The following GPI variants were observed in gnomAD, a reference collection of about 807,000 sequenced individuals.
The protein encoded by GPI is glucose-6-phosphate isomerase.
GPI carries 56 observed loss-of-function variants against 75.8 expected under a neutral mutation model. The observed-to-expected ratio is 0.74, with a 90% CI of 0.60 to 0.92. GPI has a LOEUF of 0.92. Ranked by LOEUF, GPI falls within the 40% of genes least tolerant of loss-of-function variation. The pLI, the probability that GPI is intolerant of heterozygous loss-of-function variation, is 0.00. For missense variants in GPI, 638 were observed against 741.0 expected, an observed-to-expected ratio of 0.86 and a Z score of 1.61; for synonymous variants, 288 against 285.4, an observed-to-expected ratio of 1.01 and a Z score of -0.09.
intron 4 of GPI, among the ~76,000 whole-genome samples, chr19:34,370,919 G>A (rs755149401): frequency 1.3e-5 from 2 of 152,228 alleles, no homozygotes; most frequent in Non-Finnish European, 2.9e-5. Context: ...CGCCTCCAGG[G>A]CAAGGAAGTT....
intron 6 of GPI, among the ~76,000 whole-genome samples, chr19:34,378,120 C>T (rs1277619419): frequency 6.6e-6 from 1 of 152,236 alleles, no homozygotes; most frequent in Non-Finnish European, 1.5e-5. Flanking sequence ...CACACCCGCT[C>T]GCCTTGCGGC....
At chr19:34,389,606 C>T (rs1405971675) in intron 9 of GPI, among the ~76,000 whole-genome samples, 1 of 152,200 alleles carries the variant, frequency 6.6e-6, no homozygotes, top group African/African-American at 2.4e-5. Flanking sequence ...AGATCATTTT[C>T]TGTGGGCCTT....
At chr19:34,381,397 GA>G in intron 8 of GPI, 68 bp from the exon 9 acceptor site, 1 of 1,025,654 alleles carries the variant, frequency 9.7e-7, no homozygotes, top group South Asian at 1.3e-5. Context: ...CTGCCTCCCG[GA>G]GCTCCTGTTC....
chr19:34,373,918 G>T (rs1207393149), intron 4 of GPI, among the ~76,000 whole-genome samples: 2 of 152,282 alleles, frequency 1.3e-5, no homozygotes, highest in African/African-American at 4.8e-5. Context: ...TAAGGCAGAT[G>T]CCTGGAGGTC....
intron 8 of GPI, among the ~76,000 whole-genome samples, chr19:34,380,320 G>A (rs916121620): frequency 6.6e-6 from 1 of 151,758 alleles, no homozygotes; most frequent in Non-Finnish European, 1.5e-5. Context: ...AGGTCACTCT[G>A]TCACTCAGGC....
At position 34,379,638 on chromosome 19, in the gene GPI, G is replaced by A. The variant is rs117417841; in HGVS notation, c.750+76G>A. 4,033 of 1,194,948 alleles carry A rather than the reference G, an allele frequency of 3.4e-3. 16 individuals carry two copies. The highest frequency in any genetic ancestry group is 4.2e-3 in the Middle Eastern group (22 of 5,284). 74.0% of individuals were successfully genotyped at this position (1,194,948 alleles called of 1,614,324 possible). ...GTCCAGGTCATGGCCTCTCAGAGAC[G>A]CGGTTCGTAGGTCTGGTGGATCTTG... On this transcript the variant is annotated intron_variant, in intron 8 of 17. Transcript: ENST00000356487.
intron 4 of GPI, among the ~76,000 whole-genome samples, chr19:34,373,051 C>T (rs959847035): frequency 7.3e-5 from 11 of 151,596 alleles, no homozygotes; most frequent in Non-Finnish European, 1.0e-4. Flanking sequence ...GGATTATAGG[C>T]GTGAGCCACC....
intron 7 of GPI, 106 bp from the exon 8 acceptor site, chr19:34,379,412 C>A: frequency 3.0e-6 from 3 of 995,638 alleles, no homozygotes; most frequent in Non-Finnish European, 4.9e-6. Flanking sequence ...GAACCAAGGA[C>A]TGGGAATCTC....
At chr19:34,361,754 G>T (rs1004752997), upstream of GPI, among the ~76,000 whole-genome samples, 9 of 151,878 alleles carry the variant, frequency 5.9e-5, no homozygotes, top group African/African-American at 2.2e-4. Flanking sequence ...GCCGAGGTGG[G>T]TGGATTACCT....
intron 17 of GPI, 57 bp from the exon 18 acceptor site, chr19:34,399,844 G>A: frequency 6.2e-7 from 1 of 1,613,306 alleles, no homozygotes; most frequent in Non-Finnish European, 8.5e-7. Context: ...AGGGATTTCA[G>A]TAGCAACGTT....
At position 34,401,006 on chromosome 19, in the gene GPI, A is replaced by T; in HGVS notation, c.*970A>T. On this transcript the variant is annotated 3_prime_UTR_variant, in exon 18 of 18. Transcript: ENST00000356487. ...CTCCCACAGTGCTGGGATTACAGGT[A>T]TGAGCCACCACGCCCGGCCCATTTT... The T allele has an allele frequency of 5.9e-6, 1 of 170,594 alleles. No homozygotes were observed. 10.6% of individuals were successfully genotyped at this position (170,594 alleles called of 1,614,324 possible). A position where few individuals can be genotyped will look rare whatever the true frequency, so the allele number is the denominator to read the frequency against.
chr19:34,388,291 A>G (rs1376636402), intron 9 of GPI, among the ~76,000 whole-genome samples: 1 of 152,224 alleles, frequency 6.6e-6, no homozygotes, highest in African/African-American at 2.4e-5. Flanking sequence ...AGTCTGGTCA[A>G]CACGGTGAAA....
At chr19:34,373,358 C>T (rs936490772) in intron 4 of GPI, among the ~76,000 whole-genome samples, 1 of 150,346 alleles carries the variant, frequency 6.7e-6, no homozygotes, top group African/African-American at 2.4e-5. Context: ...CACTGCACTC[C>T]AGCCTGGGTG....
intron 9 of GPI, among the ~76,000 whole-genome samples, chr19:34,382,433 A>T (rs2074669288): frequency 6.6e-6 from 1 of 152,164 alleles, no homozygotes; most frequent in Admixed American, 6.5e-5. Context: ...TAAGCCATCC[A>T]CTGTGTATAA....
At chr19:34,396,257 G>C in intron 12 of GPI, 44 bp from the exon 13 acceptor site, 2 of 1,611,872 alleles carry the variant, frequency 1.2e-6, no homozygotes, top group Non-Finnish European at 1.7e-6. Context: ...CTTTTTAAAT[G>C]TTCTTTCATT....
At chr19:34,386,713 G>A (rs145356878) in intron 9 of GPI, among the ~76,000 whole-genome samples, 245 of 152,324 alleles carry the variant, frequency 1.6e-3, no homozygotes, top group Non-Finnish European at 2.1e-3. Context: ...TTAGACGTGG[G>A]TAGGTAGATG....
At position 34,400,601 on chromosome 19, in the gene GPI, C is replaced by T. The variant is rs531626981; in HGVS notation, c.*565C>T. 14 of 418,348 alleles carry T rather than the reference C, an allele frequency of 3.3e-5. No individual in the cohort carries two copies. Among genetic ancestry groups the T allele is most frequent in the African/African-American group, 1.2e-4 (6 of 49,154 alleles). 25.9% of individuals were successfully genotyped at this position (418,348 alleles called of 1,614,324 possible). A position where few individuals can be genotyped will look rare whatever the true frequency, so the allele number is the denominator to read the frequency against. ...GCAGAAATTGGATACTCTGTTCACT[C>T]GATGGTTCTAAAAACTGCATTGAGA... On this transcript the variant is annotated 3_prime_UTR_variant, in exon 18 of 18. Transcript: ENST00000356487.
In GPI at chr19:34,401,350, T is replaced by G. The variant is rs1223197257; in HGVS notation, c.*1314T>G. The G allele has an allele frequency of 2.0e-5, 3 of 152,210 alleles. No homozygotes were observed. The highest frequency in any genetic ancestry group is 7.2e-5 in the African/African-American group (3 of 41,428). 9.4% of individuals were successfully genotyped at this position (152,210 alleles called of 1,614,324 possible). On this transcript the variant is annotated 3_prime_UTR_variant, in exon 18 of 18. Coordinates refer to ENST00000356487, the MANE Select transcript of GPI (RefSeq NM_000175.5). Reference sequence around the variant, plus strand: ...CTCCTGCCTCAGACTCCTGTGTAGCTGGGAGTACAGGCACCTGCCACCATG... The same window carrying G: ...CTCCTGCCTCAGACTCCTGTGTAGCGGGGAGTACAGGCACCTGCCACCATG...
chr19:34,375,566 C>T lies in GPI; in HGVS notation c.403-1937C>T, dbSNP rs150479768. Among the ~76,000 whole-genome samples the T allele has an allele frequency of 3.1e-4, 47 of 152,278 alleles. No homozygotes were observed. The East Asian group carries it at 7.9e-3, about 26-fold the overall frequency. On this transcript the variant is annotated intron_variant, in intron 4 of 17. Transcript: ENST00000356487. ...AGGCTGTAGTCAACATGTTGGCCAG[C>T]GCCCCAGTTATCGGAAGTTTTGATG... is the stretch of plus-strand genomic sequence containing the variant.
Sources: gnomAD v4.1 joint callset for allele counts (sites outside exome capture counted in the v4.1 genomes callset) on GRCh38, gnomAD v4.1.1 for gene constraint, MANE v1.5 for transcripts, NCBI Gene and HGNC (gene_info 2026-07-23, HGNC 2026-07-21) for gene names.